CUBN: variants seen among roughly 807,000 people sequenced by gnomAD.
The protein encoded by CUBN is cubilin, also known as 460 kDa receptor.
Under a neutral mutation model 405.3 loss-of-function variants are expected in CUBN, and 282 were observed. The observed-to-expected ratio is 0.70, with a 90% CI of 0.63 to 0.77. The LOEUF (loss-of-function observed/expected upper bound fraction) is 0.77, where lower values mean the gene tolerates loss of function less well. Among genes scored for constraint, CUBN ranks in the 30% least tolerant of loss-of-function variants. The pLI is 0.00. For missense variants in CUBN, 4,514 were observed against 4,475.2 expected (o/e 1.01, Z -0.25); for synonymous variants, 1,684 against 1,617.0 (o/e 1.04, Z -0.99).
At chr10:16,981,614 G>A (rs763701363) in intron 31 of CUBN, among the ~76,000 whole-genome samples, 5 of 152,184 alleles carry the variant, frequency 3.3e-5, no homozygotes, top group Non-Finnish European at 7.3e-5. Context: ...AAAGAGCATT[G>A]TAACAAGCTT....
intron 6 of CUBN, among the ~76,000 whole-genome samples, chr10:17,117,624 C>A (rs948074604): frequency 2.0e-5 from 3 of 152,050 alleles, no homozygotes; most frequent in African/African-American, 7.2e-5. Flanking sequence ...GCAGAAGTCT[C>A]TTTTCTAGAG....
intron 25 of CUBN, 70 bp downstream of exon 25, chr10:17,044,937 T>C (rs1835092113): frequency 6.9e-7 from 1 of 1,441,336 alleles, no homozygotes; most frequent in Admixed American, 1.7e-5. Flanking sequence ...ATCTCGAAAA[T>C]AAAAATAAGT....
intron 31 of CUBN, among the ~76,000 whole-genome samples, chr10:16,960,605 GATGAACAA>G (rs1843190614): frequency 1.3e-5 from 2 of 152,186 alleles, no homozygotes; most frequent in African/African-American, 4.8e-5. Flanking sequence ...ATAAATGTTT[GATGAACAA>G]ATGAATAAAT....
In CUBN at chr10:16,831,397, G is replaced by A. The variant is rs141937843; in HGVS notation, c.10383C>T (p.Ser3461=). Residue 3461 remains serine, a synonymous_variant, in exon 65 of 67, where the codon AGC becomes AGT. Transcript: ENST00000377833. ...AGTACTTGCCCAGTAATGGTGAATT[G>A]CTGTTACTTCCATTTCTCACCTTTA... The part of the protein sequence containing the change: ...DFLEVRNGSN[S]NSPLLGKYCG... 1.9e-3 allele frequency: 2,986 copies of A among 1,613,888 alleles called. 22 individuals carry two copies. The highest frequency in any genetic ancestry group is 0.01 in the African/African-American group (771 of 75,034).
intron 28 of CUBN, among the ~76,000 whole-genome samples, chr10:17,006,408 A>C (rs1184771318): frequency 6.6e-6 from 1 of 152,194 alleles, no homozygotes; most frequent in African/African-American, 2.4e-5. Context: ...TCTCTCACAC[A>C]AGACAAGTGG....
At chr10:16,924,437 T>C (rs1842123506) in intron 43 of CUBN, among the ~76,000 whole-genome samples, 1 of 152,182 alleles carries the variant, frequency 6.6e-6, no homozygotes, top group Admixed American at 6.5e-5. Flanking sequence ...TCATCTCTTT[T>C]ACCAAAATAA....
chr10:17,038,952 C>A (rs1212518264), intron 27 of CUBN, among the ~76,000 whole-genome samples: 1 of 152,202 alleles, frequency 6.6e-6, no homozygotes, highest in Admixed American at 6.5e-5. Context: ...CTCTAATGAG[C>A]TACTCTGCAG....
intron 31 of CUBN, among the ~76,000 whole-genome samples, chr10:16,970,613 C>A (rs1219785451): frequency 1.3e-5 from 2 of 151,224 alleles, no homozygotes; most frequent in African/African-American, 4.9e-5. Context: ...TCCAGCCTGA[C>A]CCTAAATTTA....
Position 17,058,791 on chromosome 10 carries a change from C to T in CUBN, c.3139+6717G>A, listed in dbSNP as rs115540283. On this transcript the variant is annotated intron_variant, in intron 22 of 66. Transcript: ENST00000377833. The stretch of plus-strand genomic sequence containing the variant: ...TTTGGTTTCCTCTTGTGATTTTCAA[C>T]AAAGCACAAATGATTAAATTAGAAT... Among the ~76,000 whole-genome samples, 744 of 152,090 alleles carry T rather than the reference C, an allele frequency of 4.9e-3. 7 individuals are homozygous for T. Among genetic ancestry groups the T allele is most frequent in the African/African-American group, 0.017 (717 of 41,502 alleles).
At chr10:16,893,451 T>C (rs1224569938) in intron 54 of CUBN, among the ~76,000 whole-genome samples, 3 of 152,020 alleles carry the variant, frequency 2.0e-5, no homozygotes, top group Non-Finnish European at 2.9e-5. Flanking sequence ...TTGTACACAA[T>C]TGCATTCAAG....
chr10:16,854,820 C>G (rs1426665489), intron 59 of CUBN, among the ~76,000 whole-genome samples: 3 of 152,116 alleles, frequency 2.0e-5, no homozygotes, highest in Non-Finnish European at 4.4e-5. Context: ...AGCACACCCA[C>G]ATTCCAGGGA....
chr10:16,832,574 T>C (rs1031631387), intron 64 of CUBN, among the ~76,000 whole-genome samples: 1 of 152,194 alleles, frequency 6.6e-6, no homozygotes, highest in Non-Finnish European at 1.5e-5. Flanking sequence ...CTTTTGAGTT[T>C]GGGCGTTTTT....
At chr10:17,034,128 T>C (rs996013684) in intron 27 of CUBN, among the ~76,000 whole-genome samples, 2 of 152,172 alleles carry the variant, frequency 1.3e-5, no homozygotes, top group African/African-American at 4.8e-5. Flanking sequence ...GAAATGCCTT[T>C]GACTGAAGTC....
At chr10:17,038,809 G>A (rs1262008928) in intron 27 of CUBN, among the ~76,000 whole-genome samples, 1 of 152,088 alleles carries the variant, frequency 6.6e-6, no homozygotes, top group Non-Finnish European at 1.5e-5. Flanking sequence ...CCTCCCTCTG[G>A]CAACAGCGCC....
chr10:17,005,226 T>C (rs147790696), intron 28 of CUBN, among the ~76,000 whole-genome samples: 1 of 152,292 alleles, frequency 6.6e-6, no homozygotes, highest in East Asian at 1.9e-4. Context: ...TCAACTTCTA[T>C]CACTCCCTTT....
intron 30 of CUBN, 65 bp downstream of exon 30, chr10:16,984,040 G>T: frequency 1.3e-6 from 2 of 1,564,128 alleles, no homozygotes; most frequent in Non-Finnish European, 1.8e-6. Context: ...GTTTTCCCAA[G>T]CATTTCATGA....
chr10:16,924,074 A>AG (rs557098626), intron 43 of CUBN, among the ~76,000 whole-genome samples: 158 of 151,620 alleles, frequency 1.0e-3, no homozygotes, highest in African/African-American at 3.6e-3. Context: ...GTCTCAAGAA[A>AG]GAAAAAAAAG....
At chr10:16,852,320 C>T (rs1204613755) in intron 59 of CUBN, among the ~76,000 whole-genome samples, 1 of 141,096 alleles carries the variant, frequency 7.1e-6, no homozygotes, top group Admixed American at 7.0e-5. Context: ...TCTTTCCATC[C>T]CTCCCTCCAT....
chr10:16,869,922 T>A (rs1840302005), intron 58 of CUBN, 69 bp from the exon 59 acceptor site: 1 of 1,180,690 alleles, frequency 8.5e-7, no homozygotes, highest in African/African-American at 1.5e-5. Flanking sequence ...CTTTAGCTCT[T>A]GCAAAAAAAA....
Sources: gnomAD v4.1 joint callset for allele counts (sites outside exome capture counted in the v4.1 genomes callset) on GRCh38, gnomAD v4.1.1 for gene constraint, MANE v1.5 for transcripts, NCBI Gene and HGNC (gene_info 2026-07-23, HGNC 2026-07-21) for gene names.